DDX21: variants seen among roughly 807,000 people sequenced by gnomAD.
The protein encoded by DDX21 is DExD-box helicase 21, also known as nucleolar RNA helicase 2.
DDX21 carries 18 observed loss-of-function variants against 90.0 expected under a neutral mutation model. The ratio of observed to expected loss-of-function variants is 0.20; its 90% confidence interval spans 0.14 to 0.30. The LOEUF (loss-of-function observed/expected upper bound fraction) is 0.30. DDX21 is among the 10% of genes least tolerant of loss of function. The pLI, the probability that DDX21 is intolerant of heterozygous loss-of-function variation, is 1.00. For missense variants in DDX21, 673 were observed against 944.5 expected, an observed-to-expected ratio of 0.71 and a Z score of 3.77; for synonymous variants, 294 against 318.0, an observed-to-expected ratio of 0.92 and a Z score of 0.80.
At chr10:68,980,376 G>A (rs1283218557) in intron 13 of DDX21, among the ~76,000 whole-genome samples, 2 of 152,162 alleles carry the variant, frequency 1.3e-5, no homozygotes, top group African/African-American at 4.8e-5. Flanking sequence ...ACATGTTTAT[G>A]CAGGTAAACT....
intron 6 of DDX21, among the ~76,000 whole-genome samples, 167 bp from the exon 7 acceptor site, chr10:68,968,809 C>T (rs1842978928): frequency 6.6e-6 from 1 of 152,170 alleles, no homozygotes; most frequent in Non-Finnish European, 1.5e-5. Flanking sequence ...TATTTCTTTG[C>T]CCATTGGGAA....
chr10:68,960,647 G>A (rs755665156), intron 2 of DDX21, among the ~76,000 whole-genome samples: 2 of 151,864 alleles, frequency 1.3e-5, no homozygotes, highest in Non-Finnish European at 2.9e-5. Context: ...ATTTTTAGTA[G>A]AGGCGGGCTT....
In DDX21 at chr10:68,963,473, A is replaced by G; in HGVS notation, c.786+4A>G. On this transcript the variant is annotated splice_donor_region_variant and intron_variant, in intron 4 of 14. Coordinates refer to ENST00000354185, the MANE Select transcript of DDX21 (RefSeq NM_004728.4). The stretch of plus-strand genomic sequence containing the variant: ...GAAGAGAGGCCGTGCCCCTCAGGTA[A>G]CTGTCTTAAATACAAGGGCTCTCAG... The G allele has an allele frequency of 1.2e-6, 2 of 1,607,362 alleles. No individual in the cohort carries two copies. Among genetic ancestry groups the G allele is most frequent in the South Asian group, 1.1e-5 (1 of 90,182 alleles).
chr10:68,967,174 A>G lies in DDX21; in HGVS notation c.1061A>G (p.Glu354Gly). ...GATATGGGATTTGCTGATCAAGTGG[A>G]AGAGATTTTAAGTGTGGCATACAAG... ...MLDMGFADQV[E>G]EILSVAYKKD... The change falls in exon 6 of 15, where the codon GAA (glutamate) becomes GGA (glycine). Residue 354 changes from glutamate (E) to glycine (G), a missense_variant. Physicochemically the swap from Glu to Gly is moderately conservative, Grantham distance 98. Around this residue, in one of 4 missense-constraint regions of DDX21, gnomAD observed 218 missense variants for 347.3 expected, o/e 0.63. Transcript: ENST00000354185. The G allele has an allele frequency of 6.2e-7, 1 of 1,611,082 alleles. No individual in the cohort carries two copies. The highest frequency in any genetic ancestry group is 1.7e-4 in the Middle Eastern group (1 of 6,050).
intron 11 of DDX21, among the ~76,000 whole-genome samples, chr10:68,976,567 G>A (rs1843104780): frequency 1.3e-5 from 2 of 152,158 alleles, no homozygotes; most frequent in African/African-American, 2.4e-5. Flanking sequence ...GATTATAGGC[G>A]TGAGCCACCA....
intron 2 of DDX21, 32 bp downstream of exon 2, chr10:68,960,281 C>G (rs1296301957): frequency 1.3e-6 from 2 of 1,552,340 alleles, no homozygotes; most frequent in Non-Finnish European, 1.7e-6. Context: ...TAGAAGATAT[C>G]TTTCATTGTT....
At chr10:68,975,912 G>A (rs1301096206) in intron 11 of DDX21, among the ~76,000 whole-genome samples, 1 of 152,014 alleles carries the variant, frequency 6.6e-6, no homozygotes, top group Middle Eastern at 3.2e-3. Context: ...AGCCAGGCGT[G>A]GTTGCGCACG....
At chr10:68,961,194 C>T (rs148523579) in intron 2 of DDX21, among the ~76,000 whole-genome samples, 1 of 152,072 alleles carries the variant, frequency 6.6e-6, no homozygotes, top group African/African-American at 2.4e-5. Flanking sequence ...CTAAGCCTCC[C>T]GAGTAGCTGG....
intron 1 of DDX21, 139 bp from the exon 2 acceptor site, chr10:68,959,667 A>G (rs1003059036): frequency 2.4e-5 from 16 of 657,250 alleles, no homozygotes; most frequent in Admixed American, 1.5e-4. Flanking sequence ...TCACAGCATG[A>G]AAGTACAAAT....
At chr10:68,968,268 T>C (rs759302638) in intron 6 of DDX21, among the ~76,000 whole-genome samples, 13 of 150,338 alleles carry the variant, frequency 8.6e-5, no homozygotes, top group Non-Finnish European at 1.9e-4. Flanking sequence ...CTCCTGGGCC[T>C]CAGCTTCCTG....
At chr10:68,962,550 A>C (rs953488325) in intron 3 of DDX21, among the ~76,000 whole-genome samples, 1 of 152,170 alleles carries the variant, frequency 6.6e-6, no homozygotes, top group African/African-American at 2.4e-5. Flanking sequence ...CAGGAGTTCA[A>C]GGCTTCAGTG....
At position 68,960,100 on chromosome 10, in the gene DDX21, C is replaced by T. The variant is rs762991895; in HGVS notation, c.382C>T (p.Pro128Ser). 4 of 1,613,924 alleles carry T rather than the reference C, an allele frequency of 2.5e-6. No individual in the cohort carries two copies. Among genetic ancestry groups the T allele is most frequent in the Middle Eastern group, 1.6e-4 (1 of 6,062 alleles). Residue 128 changes from proline to serine, a missense_variant, in exon 2 of 15, where the codon CCT becomes TCT. Transcript: ENST00000354185. ...GCCTTCTGAGGAAGAAATAGATGCT[C>T]CTAAGCCCAAGAAGATGAAGAAAGA... The part of the protein sequence containing the change: ...EEPSEEEIDA[P>S]KPKKMKKEKE...
At chr10:68,972,699 T>C (rs1489632603) in intron 9 of DDX21, among the ~76,000 whole-genome samples, 3 of 152,198 alleles carry the variant, frequency 2.0e-5, no homozygotes, top group Non-Finnish European at 4.4e-5. Flanking sequence ...CTTTAGACTT[T>C]TTGATATGGT....
Position 68,965,517 on chromosome 10 carries a change from G to T in DDX21, c.904+23G>T, listed in dbSNP as rs775676397. On this transcript the variant is annotated intron_variant, in intron 5 of 14. Transcript: ENST00000354185. The stretch of plus-strand genomic sequence containing the variant: ...AATGTGAGTACATTCAAAAAGTGAG[G>T]GAGGTATAATGCCACCCATTGTTGA... 6 of 1,568,354 alleles carry T rather than the reference G, an allele frequency of 3.8e-6. No homozygotes were observed. In the African/African-American group the frequency reaches 6.8e-5, roughly 18 times the overall value.
Position 68,984,816 on chromosome 10 carries a change from C to T in DDX21, c.*2004C>T, listed in dbSNP as rs1408705337. 6.6e-6 allele frequency: 1 copy of T among 152,136 alleles called. No individual in the cohort carries two copies. The highest frequency in any genetic ancestry group is 2.4e-5 in the African/African-American group (1 of 41,430). The allele number at this position is 152,136 out of a possible 1,614,324, so 9.4% of individuals were successfully genotyped here. On this transcript the variant is annotated 3_prime_UTR_variant, in exon 15 of 15. Coordinates refer to ENST00000354185, the MANE Select transcript of DDX21 (RefSeq NM_004728.4). ...TTTCAATAAAGGACTAAAGTTTCTC[C>T]TGGATCCCAGAATTCAACCTGTATT...
At chr10:68,957,061 G>T (rs1842808460) in intron 1 of DDX21, among the ~76,000 whole-genome samples, 1 of 151,810 alleles carries the variant, frequency 6.6e-6, no homozygotes, top group South Asian at 2.1e-4. Flanking sequence ...AAAAATGTGG[G>T]CACTGGAGCT....
At position 68,971,945 on chromosome 10, in the gene DDX21, A is replaced by G. The variant is rs1292687119; in HGVS notation, c.1441A>G (p.Lys481Glu). ...IPQKQREITLKGFRNGSFGVL... is the reference protein window; with the variant it reads ...IPQKQREITLEGFRNGSFGVL... The stretch of plus-strand genomic sequence containing the variant: ...ACAGAAGCAAAGGGAAATCACCCTG[A>G]AAGGTTTTAGAAATGGTAGTTTTGG... The change falls in exon 9 of 15, where the codon AAA (lysine) becomes GAA (glutamate). Residue 481 changes from lysine (K) to glutamate (E), a missense_variant. Transcript: ENST00000354185. 10 of 1,614,052 alleles carry G rather than the reference A, an allele frequency of 6.2e-6. No homozygotes were observed. The highest frequency in any genetic ancestry group is 7.6e-6 in the Non-Finnish European group (9 of 1,180,024).
Position 68,961,949 on chromosome 10 carries a change from T to C in DDX21, c.532-133T>C, listed in dbSNP as rs994375667. 1.8e-5 allele frequency: 11 copies of C among 607,898 alleles called. No individual in the cohort carries two copies. In the African/African-American group the frequency reaches 1.9e-4, roughly 10 times the overall value. 37.7% of individuals were successfully genotyped at this position (607,898 alleles called of 1,614,324 possible). On this transcript the variant is annotated intron_variant, in intron 2 of 14. Coordinates refer to ENST00000354185, the MANE Select transcript of DDX21 (RefSeq NM_004728.4). ...TTACCTATCAAGGTTTTTGTATCTT[T>C]TTGGTTGATTTTTAAAGTGATGTGT...
intron 2 of DDX21, among the ~76,000 whole-genome samples, chr10:68,961,414 A>G (rs1157781426): frequency 6.6e-6 from 1 of 152,202 alleles, no homozygotes; most frequent in Admixed American, 6.5e-5. Context: ...TAATACCTGT[A>G]CTTTTCAAGT....
Sources: gnomAD v4.1 joint callset for allele counts (sites outside exome capture counted in the v4.1 genomes callset) on GRCh38, gnomAD v4.1.1 for gene constraint, gnomAD v4.1.1 regional missense constraint, MANE v1.5 for transcripts, NCBI Gene and HGNC (gene_info 2026-07-23, HGNC 2026-07-21) for gene names.